DGKI: variants seen among roughly 807,000 people sequenced by gnomAD.
The protein encoded by DGKI is DAG kinase iota.
A neutral mutation model predicts 147.5 loss-of-function variants in DGKI; 55 were observed. That is an observed-to-expected ratio of 0.37 (90% confidence interval 0.30 to 0.47). The LOEUF (loss-of-function observed/expected upper bound fraction) is 0.47. DGKI is among the 20% of genes least tolerant of loss of function. The pLI is 1.00. For synonymous variants in DGKI, 469 were observed against 477.1 expected, an observed-to-expected ratio of 0.98 and a Z score of 0.22; for missense variants, 1,007 against 1,323.8, an observed-to-expected ratio of 0.76 and a Z score of 3.71.
chr7:137,792,138 T>G (rs1796873985), intron 1 of DGKI, among the ~76,000 whole-genome samples: 1 of 152,170 alleles, frequency 6.6e-6, no homozygotes, highest in African/African-American at 2.4e-5. Flanking sequence ...GCACCTGTGC[T>G]ATGAAACACA....
intron 3 of DGKI, 59 bp from the exon 4 acceptor site, chr7:137,656,599 C>A: frequency 6.6e-7 from 1 of 1,516,012 alleles, no homozygotes; most frequent in South Asian, 1.1e-5. Context: ...CTGAAGAGTT[C>A]CCTAGTATTA....
At chr7:137,434,450 G>C (rs928255788) in intron 28 of DGKI, among the ~76,000 whole-genome samples, 1 of 151,554 alleles carries the variant, frequency 6.6e-6, no homozygotes, top group African/African-American at 2.4e-5. Context: ...GCGTGGTGGT[G>C]CACGCCTGTA....
At chr7:137,466,307 G>C (rs1157957306) in intron 25 of DGKI, among the ~76,000 whole-genome samples, 3 of 152,290 alleles carry the variant, frequency 2.0e-5, no homozygotes, top group South Asian at 2.1e-4. Context: ...AATACTATTA[G>C]AGAAGTGACA....
At chr7:137,566,161 T>G (rs2128973482) in intron 19 of DGKI, among the ~76,000 whole-genome samples, 1 of 152,244 alleles carries the variant, frequency 6.6e-6, no homozygotes, top group South Asian at 2.1e-4. Context: ...GACCTACTGG[T>G]TATGTTTTTA....
At chr7:137,774,482 G>GATAA (rs1796303295) in intron 1 of DGKI, 1 of 152,076 alleles carries the variant, frequency 6.6e-6, no homozygotes, top group Admixed American at 6.5e-5. Flanking sequence ...CGTGAATGAG[G>GATAA]ATAATAAAGT....
chr7:137,510,095 T>C (rs999689667), intron 21 of DGKI, among the ~76,000 whole-genome samples: 1 of 152,214 alleles, frequency 6.6e-6, no homozygotes. Context: ...ACCGTGGTTA[T>C]CCAGGAGCAA....
chr7:137,578,798 T>C (rs834099), intron 15 of DGKI, among the ~76,000 whole-genome samples: 17,680 of 152,184 alleles, frequency 0.12, 2,355 homozygotes, highest in African/African-American at 0.33. Flanking sequence ...TTGACTTTCA[T>C]AGGGCATGAC....
chr7:137,512,112 G>A (rs1816599522), intron 21 of DGKI, among the ~76,000 whole-genome samples: 1 of 152,158 alleles, frequency 6.6e-6, no homozygotes, highest in African/African-American at 2.4e-5. Context: ...CTCAAATGAT[G>A]ACAAGACCTA....
intron 19 of DGKI, among the ~76,000 whole-genome samples, chr7:137,567,451 T>A (rs1040954723): frequency 2.0e-5 from 3 of 152,160 alleles, no homozygotes; most frequent in African/African-American, 7.2e-5. Flanking sequence ...ATATGTAGTG[T>A]ATGTAGATCC....
chr7:137,717,860 A>G (rs1794427063), intron 1 of DGKI, among the ~76,000 whole-genome samples: 1 of 152,228 alleles, frequency 6.6e-6, no homozygotes, highest in Non-Finnish European at 1.5e-5. Context: ...CAGCACATGA[A>G]TCGCACTGTT....
rs577309029 is a variant in DGKI at position 137,577,551 on chromosome 7, GTTTAT to G, written c.1699-272_1699-268del. On this transcript the variant is annotated intron_variant, in intron 16 of 32. Coordinates refer to ENST00000614521, the MANE Select transcript of DGKI (RefSeq NM_001321708.2). ...AGACAATTCTGAGGGTCATTGGAAG[GTTTAT>G]TTTGACAACCTTTTCTGAACACTTG... is the stretch of plus-strand genomic sequence containing the variant. 3.3e-3 allele frequency among the ~76,000 whole-genome samples: 510 copies of G among 152,272 alleles called. 2 individuals are homozygous for G. The highest frequency in any genetic ancestry group is 5.8e-3 in the Non-Finnish European group (397 of 68,018).
At chr7:137,845,656 G>T (rs993344971) in intron 1 of DGKI, among the ~76,000 whole-genome samples, 1 of 152,140 alleles carries the variant, frequency 6.6e-6, no homozygotes, top group African/African-American at 2.4e-5. Flanking sequence ...CTCGTTGTTG[G>T]ATTCTAATAC....
intron 21 of DGKI, among the ~76,000 whole-genome samples, chr7:137,507,950 T>C (rs559698035): frequency 6.8e-4 from 104 of 152,226 alleles, no homozygotes; most frequent in African/African-American, 2.5e-3. Flanking sequence ...AAAAGGAAAT[T>C]ATCTCAGACC....
chr7:137,842,819 C>T (rs1021696361), intron 1 of DGKI, among the ~76,000 whole-genome samples: 15 of 151,624 alleles, frequency 9.9e-5, no homozygotes, highest in Admixed American at 9.2e-4. Context: ...GACAAAGGGC[C>T]ACAAGCCAAA....
intron 20 of DGKI, among the ~76,000 whole-genome samples, chr7:137,532,724 C>CAGT (rs1295555658): frequency 6.6e-6 from 1 of 152,140 alleles, no homozygotes; most frequent in Non-Finnish European, 1.5e-5. Context: ...CTCCCGCTTT[C>CAGT]CCAATTCAGC....
At chr7:137,572,460 G>T (rs1345567893) in intron 18 of DGKI, among the ~76,000 whole-genome samples, 1 of 152,104 alleles carries the variant, frequency 6.6e-6, no homozygotes, top group South Asian at 2.1e-4. Context: ...TCTTAGATGG[G>T]GAGGAAGAGG....
chr7:137,435,837 T>C (rs1385870678), intron 28 of DGKI, among the ~76,000 whole-genome samples: 1 of 152,216 alleles, frequency 6.6e-6, no homozygotes, highest in Non-Finnish European at 1.5e-5. Flanking sequence ...TAGAGTACAG[T>C]GGCACGATCT....
chr7:137,637,936 A>G (rs1821371037), intron 6 of DGKI, among the ~76,000 whole-genome samples: 1 of 152,154 alleles, frequency 6.6e-6, no homozygotes, highest in South Asian at 2.1e-4. Context: ...TGGGGCAAAG[A>G]CTGAAAAGAA....
At chr7:137,485,233 G>T in intron 23 of DGKI, 141 bp downstream of exon 23, 1 of 701,628 alleles carries the variant, frequency 1.4e-6, no homozygotes, top group South Asian at 2.1e-5. Context: ...AAAAGAATCA[G>T]AATACCATTT....
Sources: gnomAD v4.1 joint callset for allele counts (sites outside exome capture counted in the v4.1 genomes callset) on GRCh38, gnomAD v4.1.1 for gene constraint, MANE v1.5 for transcripts, NCBI Gene and HGNC (gene_info 2026-07-23, HGNC 2026-07-21) for gene names.